Variants in LARS2 observed in about 807,000 individuals in gnomAD.
The protein encoded by LARS2 is leucyl-tRNA synthetase 2, mitochondrial.
A neutral mutation model predicts 116.6 loss-of-function variants in LARS2; 81 were observed. The observed-to-expected ratio is 0.69, with a 90% CI of 0.58 to 0.84. LARS2 has a LOEUF of 0.84. Ranked by LOEUF, LARS2 falls within the 40% of genes least tolerant of loss-of-function variation. The pLI is 0.00. For synonymous variants in LARS2, 396 were observed against 407.2 expected (o/e 0.97, Z 0.33); for missense variants, 968 against 1,114.5 (o/e 0.87, Z 1.87).
chr3:45,484,168 T>A (rs1175869680), intron 10 of LARS2: 1 of 151,974 alleles, frequency 6.6e-6, no homozygotes, highest in Non-Finnish European at 1.5e-5. Flanking sequence ...AAAAATAATT[T>A]AAAAAATAAA....
At chr3:45,412,621 A>T (rs1253370910) in intron 4 of LARS2, among the ~76,000 whole-genome samples, 4 of 152,168 alleles carry the variant, frequency 2.6e-5, no homozygotes, top group African/African-American at 9.7e-5. Flanking sequence ...TGACCTCAGG[A>T]TGGGTGTGGA....
At chr3:45,533,609 A>T (rs1463351193) in intron 20 of LARS2, among the ~76,000 whole-genome samples, 1 of 151,930 alleles carries the variant, frequency 6.6e-6, no homozygotes, top group Non-Finnish European at 1.5e-5. Context: ...TACCTCCTTC[A>T]TTTTGTTTCT....
intron 8 of LARS2, among the ~76,000 whole-genome samples, chr3:45,469,937 T>C (rs747381497): frequency 3.6e-4 from 55 of 152,308 alleles, no homozygotes; most frequent in Non-Finnish European, 5.9e-4. Context: ...ATGCTAAGTG[T>C]CAAGCTTTTA....
At position 45,448,492 on chromosome 3, in the gene LARS2, A is replaced by AAC. The variant is rs369907676; in HGVS notation, c.606+1528_606+1529dup. ...TAACCCAGTAGCGCTAGAGGAATTA[A>AAC]ACACACACACACACACAGAAATATA... On this transcript the variant is annotated intron_variant, in intron 7 of 21. Coordinates refer to ENST00000645846, the MANE Select transcript of LARS2 (RefSeq NM_015340.4). Among the ~76,000 whole-genome samples, 1,328 of 151,698 alleles carry AAC rather than the reference A, an allele frequency of 8.8e-3. 6 individuals are homozygous for AAC. The highest frequency in any genetic ancestry group is 0.012 in the Admixed American group (187 of 15,244).
intron 13 of LARS2, among the ~76,000 whole-genome samples, chr3:45,494,468 A>C (rs574092161): frequency 1.3e-5 from 2 of 152,300 alleles, no homozygotes; most frequent in African/African-American, 4.8e-5. Flanking sequence ...ATAACACCCA[A>C]AGACTTACAC....
intron 15 of LARS2, among the ~76,000 whole-genome samples, chr3:45,510,920 C>A (rs371320982): frequency 2.6e-5 from 4 of 152,350 alleles, no homozygotes; most frequent in East Asian, 3.9e-4. Context: ...AGCTCAGTGC[C>A]AGGCACATAG....
intron 17 of LARS2, 74 bp from the exon 18 acceptor site, chr3:45,517,829 C>T: frequency 8.0e-7 from 1 of 1,244,406 alleles, no homozygotes; most frequent in Non-Finnish European, 1.1e-6. Flanking sequence ...GTGTTTTTCT[C>T]TGCTTAGTTA....
intron 8 of LARS2, among the ~76,000 whole-genome samples, chr3:45,473,385 G>GT (rs1338756694): frequency 3.7e-5 from 5 of 134,656 alleles, no homozygotes; most frequent in Admixed American, 1.5e-4. Context: ...TTTTTGTTTT[G>GT]TTTTTTGTTT....
chr3:45,511,122 C>T (rs897960487), intron 15 of LARS2, among the ~76,000 whole-genome samples: 1 of 152,174 alleles, frequency 6.6e-6, no homozygotes, highest in Non-Finnish European at 1.5e-5. Context: ...GCCATCCCTG[C>T]TCTAGATGAT....
intron 15 of LARS2, among the ~76,000 whole-genome samples, chr3:45,501,274 G>A (rs1251347635): frequency 2.0e-5 from 3 of 149,610 alleles, no homozygotes; most frequent in East Asian, 2.0e-4. Context: ...GCTCTTCTAC[G>A]CCCACCACCT....
chr3:45,498,969 T>TA (rs1490274117), intron 14 of LARS2, among the ~76,000 whole-genome samples: 3 of 152,158 alleles, frequency 2.0e-5, no homozygotes, highest in Non-Finnish European at 2.9e-5. Context: ...CAGACTGCTT[T>TA]AAAAAATAAA....
At chr3:45,540,746 GTCTATCTA>G (rs3085493) in intron 20 of LARS2, among the ~76,000 whole-genome samples, 15,706 of 149,036 alleles carry the variant, frequency 0.11, 922 homozygotes, top group Non-Finnish European at 0.12. Flanking sequence ...GTATCTATCT[GTCTATCTA>G]TCTATCTATC....
At position 45,491,731 on chromosome 3, in the gene LARS2, C is replaced by T. The variant is rs769111264; in HGVS notation, c.1454C>T (p.Ala485Val). The part of the protein sequence containing the change: ...EDLPVTLPNI[A>V]SFTGKGGPPL... ...TTGCCTGTGACCCTGCCCAACATCG[C>T]GTCTTTCACTGGCAAGGGAGGCCCC... The change falls in exon 13 of 22, where the codon GCG becomes GTG. Residue 485 changes from alanine to valine, a missense_variant. By Grantham distance (64) the Ala-to-Val change is moderately conservative. Coordinates refer to ENST00000645846, the MANE Select transcript of LARS2 (RefSeq NM_015340.4). 4 of 1,613,664 alleles carry T rather than the reference C, an allele frequency of 2.5e-6. No homozygotes were observed. The African/African-American group carries it at 4.0e-5, about 16-fold the overall frequency.
At chr3:45,483,295 T>C (rs906338620) in intron 10 of LARS2, among the ~76,000 whole-genome samples, 34 of 152,186 alleles carry the variant, frequency 2.2e-4, no homozygotes, top group African/African-American at 8.0e-4. Context: ...CCTCCCAGCC[T>C]CCTGGTAACA....
intron 15 of LARS2, among the ~76,000 whole-genome samples, 158 bp downstream of exon 15, chr3:45,500,737 A>G (rs1432443698): frequency 6.6e-6 from 1 of 152,190 alleles, no homozygotes; most frequent in Admixed American, 6.5e-5. Flanking sequence ...AGGTCCATTT[A>G]TATTGCGTAG....
In LARS2 at chr3:45,458,793, G is replaced by A; in HGVS notation, c.657G>A (p.Gln219=). The A allele has an allele frequency of 6.2e-7, 1 of 1,614,168 alleles. No individual in the cohort carries two copies. Among genetic ancestry groups the A allele is most frequent in the East Asian group, 2.2e-5 (1 of 44,884 alleles). ...ATCAAACAGTGCTTGCCAATGAGCAGGTGGATGAACATGGCTGTTCATGGC... is the reference window on the plus strand; with the variant it reads ...ATCAAACAGTGCTTGCCAATGAGCAAGTGGATGAACATGGCTGTTCATGGC... The part of the protein sequence containing the change: ...PVDQTVLANE[Q]VDEHGCSWRS... Residue 219 remains glutamine, a synonymous_variant, in exon 8 of 22, where the codon CAG becomes CAA. Coordinates refer to ENST00000645846, the MANE Select transcript of LARS2 (RefSeq NM_015340.4).
chr3:45,489,523 G>A (rs1485600909), intron 12 of LARS2, among the ~76,000 whole-genome samples: 1 of 150,232 alleles, frequency 6.7e-6, no homozygotes, highest in Non-Finnish European at 1.5e-5. Flanking sequence ...AGATACTGCT[G>A]CTAATGCTGC....
At chr3:45,520,792 G>A (rs1700440806) in intron 19 of LARS2, among the ~76,000 whole-genome samples, 1 of 152,182 alleles carries the variant, frequency 6.6e-6, no homozygotes, top group South Asian at 2.1e-4. Flanking sequence ...TCTTGCCAGG[G>A]AAAGGATTTG....
chr3:45,506,137 G>A (rs1020546929), intron 15 of LARS2, among the ~76,000 whole-genome samples: 3 of 151,966 alleles, frequency 2.0e-5, no homozygotes, highest in East Asian at 1.9e-4. Flanking sequence ...TCAAGATTCC[G>A]TTCCATGCTT....
Sources: allele counts gnomAD v4.1 joint callset (sites outside exome capture counted in the v4.1 genomes callset), GRCh38; gene constraint gnomAD v4.1.1; transcripts MANE v1.5; gene names NCBI Gene and HGNC (gene_info 2026-07-23, HGNC 2026-07-21).